Variants in ENTREP1 observed in about 807,000 individuals in gnomAD.
ENTREP1 encodes endosomal transmembrane epsin interactor 1.
At chr9:69,372,180 A>C in the ENTREP1 span, among the ~76,000 whole-genome samples, 2 of 152,156 alleles carry the variant, frequency 1.3e-5, no homozygotes, top group Non-Finnish European at 2.9e-5. Context: ...AAAGAAAATA[A>C]ATTTTATTGT....
At chr9:69,392,049 T>G in the ENTREP1 span, 1 of 552,434 alleles carries the variant, frequency 1.8e-6, no homozygotes, top group Admixed American at 3.1e-5. Context: ...CTTCTTCCTC[T>G]GCTGGGCCTC....
chr9:69,349,393 C>T, the ENTREP1 span, among the ~76,000 whole-genome samples: 360 of 152,248 alleles, frequency 2.4e-3, 3 homozygotes, highest in African/African-American at 7.5e-3. Flanking sequence ...TATATTTCCA[C>T]CAGCAGTGTT....
chr9:69,346,343 A>C, the ENTREP1 span, among the ~76,000 whole-genome samples: 1 of 152,064 alleles, frequency 6.6e-6, no homozygotes, highest in African/African-American at 2.4e-5. Flanking sequence ...CTACCTTGTT[A>C]AAAGTGAGGA....
At chr9:69,391,385 G>T in the ENTREP1 span, among the ~76,000 whole-genome samples, 1 of 152,142 alleles carries the variant, frequency 6.6e-6, no homozygotes, top group African/African-American at 2.4e-5. Flanking sequence ...AGTTAAGTGT[G>T]GTTTACGGGT....
chr9:69,325,665 T>A, the ENTREP1 span: 2 of 1,231,526 alleles, frequency 1.6e-6, no homozygotes, highest in African/African-American at 1.5e-5. Flanking sequence ...TTCGGGGCGC[T>A]GTCGCTGAGC....
At chr9:69,326,372 G>A in the ENTREP1 span, among the ~76,000 whole-genome samples, 1 of 152,186 alleles carries the variant, frequency 6.6e-6, no homozygotes, top group African/African-American at 2.4e-5. Context: ...CTGCTGTGCA[G>A]AATTCAGTTT....
At chr9:69,344,149 C>G in the ENTREP1 span, among the ~76,000 whole-genome samples, 9 of 152,180 alleles carry the variant, frequency 5.9e-5, no homozygotes, top group African/African-American at 1.9e-4. Flanking sequence ...TGAGAAAATT[C>G]TCAAATTATT....
chr9:69,366,677 T>C, the ENTREP1 span, among the ~76,000 whole-genome samples: 2 of 152,128 alleles, frequency 1.3e-5, no homozygotes, highest in Non-Finnish European at 2.9e-5. Context: ...TCAGGTTTTA[T>C]GTTTAAGTCT....
chr9:69,371,173 G>GA, the ENTREP1 span: 31 of 331,692 alleles, frequency 9.3e-5, no homozygotes, highest in Admixed American at 7.2e-4. Flanking sequence ...AAAACTAAAG[G>GA]AAAAAAAATA....
the ENTREP1 span, among the ~76,000 whole-genome samples, chr9:69,377,012 C>T: frequency 6.6e-6 from 1 of 152,106 alleles, no homozygotes; most frequent in African/African-American, 2.4e-5. Context: ...AATTGCTATC[C>T]CTGGGGAAAT....
At chr9:69,351,908 A>G in the ENTREP1 span, among the ~76,000 whole-genome samples, 1 of 152,162 alleles carries the variant, frequency 6.6e-6, no homozygotes, top group African/African-American at 2.4e-5. Context: ...TTTGACAATT[A>G]TATTTTTTAA....
the ENTREP1 span, among the ~76,000 whole-genome samples, chr9:69,376,831 T>G: frequency 6.6e-6 from 1 of 152,214 alleles, no homozygotes; most frequent in African/African-American, 2.4e-5. Flanking sequence ...TATTTTGAGA[T>G]GTGTGTTTAG....
the ENTREP1 span, among the ~76,000 whole-genome samples, chr9:69,363,432 T>C: frequency 6.6e-6 from 1 of 152,164 alleles, no homozygotes; most frequent in Non-Finnish European, 1.5e-5. Flanking sequence ...AGAAGTTGTA[T>C]CAGTCAAGCT....
chr9:69,362,646 A>C, the ENTREP1 span, among the ~76,000 whole-genome samples: 1 of 152,288 alleles, frequency 6.6e-6, no homozygotes, highest in South Asian at 2.1e-4. Context: ...TGAAGGATGC[A>C]AAGTATTGAT....
At chr9:69,364,244 T>C in the ENTREP1 span, among the ~76,000 whole-genome samples, 1 of 152,312 alleles carries the variant, frequency 6.6e-6, no homozygotes, top group Non-Finnish European at 1.5e-5. Flanking sequence ...GCTGGGAAGA[T>C]AGACCCACTT....
the ENTREP1 span, chr9:69,325,175 G>A: frequency 1.9e-6 from 2 of 1,034,966 alleles, no homozygotes; most frequent in Non-Finnish European, 2.3e-6. Context: ...TGGGCCGTGC[G>A]CATTTCCTTC....
the ENTREP1 span, chr9:69,377,851 A>G: frequency 7.6e-7 from 1 of 1,324,342 alleles, no homozygotes; most frequent in Admixed American, 2.8e-5. Context: ...TTTGAAAAAG[A>G]AAAAGAAAAA....
chr9:69,336,210 C>T, the ENTREP1 span: 17 of 1,519,262 alleles, frequency 1.1e-5, no homozygotes, highest in African/African-American at 2.8e-5. Context: ...TTTATCCTTA[C>T]AGGTGATACT....
At chr9:69,358,296 A>C in the ENTREP1 span, among the ~76,000 whole-genome samples, 1 of 152,250 alleles carries the variant, frequency 6.6e-6, no homozygotes, top group Non-Finnish European at 1.5e-5. Flanking sequence ...ATAGTCAAGC[A>C]GGTGTTTGCC....
Sources: allele counts gnomAD v4.1 joint callset (sites outside exome capture counted in the v4.1 genomes callset), GRCh38; gene constraint gnomAD v4.1.1; transcripts MANE v1.5; gene names NCBI Gene and HGNC (gene_info 2026-07-23, HGNC 2026-07-21).